The following CACNA2D3 variants were observed in gnomAD, a reference collection of about 807,000 sequenced individuals.
CACNA2D3 encodes the protein calcium voltage-gated channel auxiliary subunit alpha2delta 3, also known as voltage-dependent calcium channel subunit alpha-2/delta-3.
Under a neutral mutation model 160.6 loss-of-function variants are expected in CACNA2D3, and 60 were observed. That is an observed-to-expected ratio of 0.37 (90% CI 0.30 to 0.46). The LOEUF (loss-of-function observed/expected upper bound fraction) is 0.46, where lower values mean the gene tolerates loss of function less well. CACNA2D3 is among the 20% of genes least tolerant of loss of function. The pLI, the probability that CACNA2D3 is intolerant of heterozygous loss-of-function variation, is 1.00. For synonymous variants in CACNA2D3, 558 were observed against 492.9 expected, an observed-to-expected ratio of 1.13 and a Z score of -1.75; for missense variants, 1,205 against 1,365.0, an observed-to-expected ratio of 0.88 and a Z score of 1.85.
At chr3:54,334,545 G>A (rs1704333149) in intron 3 of CACNA2D3, among the ~76,000 whole-genome samples, 1 of 152,150 alleles carries the variant, frequency 6.6e-6, no homozygotes, top group South Asian at 2.1e-4. Flanking sequence ...GAACCTCCCT[G>A]AGTCTCAGTT....
At chr3:54,893,397 T>C (rs1300083542) in intron 25 of CACNA2D3, among the ~76,000 whole-genome samples, 1 of 145,232 alleles carries the variant, frequency 6.9e-6, no homozygotes, top group African/African-American at 2.6e-5. Context: ...CATTGACAAT[T>C]TGAATGGATG....
chr3:54,438,311 G>A (rs527504717), intron 4 of CACNA2D3, among the ~76,000 whole-genome samples: 15 of 152,264 alleles, frequency 9.9e-5, no homozygotes, highest in African/African-American at 3.4e-4. Flanking sequence ...TTTAGAAGCT[G>A]ATATGTAAGG....
At chr3:54,993,723 A>G (rs756516880) in intron 31 of CACNA2D3, among the ~76,000 whole-genome samples, 4 of 151,932 alleles carry the variant, frequency 2.6e-5, no homozygotes, top group African/African-American at 4.8e-5. Flanking sequence ...TGTCTATCTG[A>G]TTATGCTGGA....
At chr3:54,582,237 T>C (rs1559518563) in intron 9 of CACNA2D3, among the ~76,000 whole-genome samples, 1 of 152,168 alleles carries the variant, frequency 6.6e-6, no homozygotes, top group Non-Finnish European at 1.5e-5. Context: ...CTTCTCACGA[T>C]TGATTAAATG....
chr3:55,059,656 C>G (rs1472530511), intron 35 of CACNA2D3, among the ~76,000 whole-genome samples: 1 of 152,170 alleles, frequency 6.6e-6, no homozygotes, highest in African/African-American at 2.4e-5. Context: ...AAGTATTAAC[C>G]AGCTTAGTGC....
intron 2 of CACNA2D3, among the ~76,000 whole-genome samples, chr3:54,232,545 G>T (rs960041502): frequency 1.6e-4 from 25 of 152,150 alleles, no homozygotes; most frequent in African/African-American, 6.0e-4. Context: ...TTGCATGAGG[G>T]TTTTTGTTTC....
intron 2 of CACNA2D3, among the ~76,000 whole-genome samples, chr3:54,203,736 G>T (rs1701217698): frequency 1.3e-5 from 2 of 152,094 alleles, no homozygotes; most frequent in Non-Finnish European, 2.9e-5. Flanking sequence ...GGCATCTGTC[G>T]GTGTGCTGTT....
chr3:54,550,560 C>T (rs75337321), intron 5 of CACNA2D3, among the ~76,000 whole-genome samples: 7,925 of 152,292 alleles, frequency 0.052, 262 homozygotes, highest in Middle Eastern at 0.085. Flanking sequence ...TGGAGACAGA[C>T]GGGAAGAATG....
At chr3:54,757,902 A>G (rs1702002634) in intron 12 of CACNA2D3, among the ~76,000 whole-genome samples, 1 of 152,246 alleles carries the variant, frequency 6.6e-6, no homozygotes, top group Non-Finnish European at 1.5e-5. Context: ...TGAACTCTTC[A>G]TCAGATGTAA....
chr3:54,524,198 GTGTT>G (rs1575502806), intron 5 of CACNA2D3, among the ~76,000 whole-genome samples: 1 of 152,146 alleles, frequency 6.6e-6, no homozygotes, highest in South Asian at 2.1e-4. Flanking sequence ...GGTCTCTTGT[GTGTT>G]TGTTTTCATT....
intron 10 of CACNA2D3, chr3:54,639,034 A>G (rs1328112673): frequency 6.6e-6 from 1 of 152,190 alleles, no homozygotes; most frequent in Non-Finnish European, 1.5e-5. Flanking sequence ...CCAGAAAAGC[A>G]GAGAAAGGGT....
chr3:55,062,392 G>A (rs1035353841), intron 35 of CACNA2D3, among the ~76,000 whole-genome samples: 2 of 151,074 alleles, frequency 1.3e-5, no homozygotes, highest in Non-Finnish European at 2.9e-5. Context: ...GGGATAACAG[G>A]CATGAGCCAC....
chr3:54,627,773 C>T lies in CACNA2D3; in HGVS notation c.964-14C>T, dbSNP rs759224549. ...AGGACAGACACTAATGGATTTTCTG[C>T]TTTGCTGTTTCAGCACTTCAGGGAG... is the stretch of plus-strand genomic sequence containing the variant. On this transcript the variant is annotated splice_polypyrimidine_tract_variant and intron_variant, in intron 9 of 37. Transcript: ENST00000474759. 24 of 1,583,368 alleles carry T rather than the reference C, an allele frequency of 1.5e-5. No individual in the cohort carries two copies. The Admixed American group carries it at 2.9e-4, about 19-fold the overall frequency.
Position 54,885,552 on chromosome 3 carries a change from G to A in CACNA2D3, c.2022G>A (p.Lys674=), listed in dbSNP as rs1699904006. Residue 674 remains lysine (K), a synonymous_variant, in exon 23 of 38, where the codon AAG becomes AAA. Transcript: ENST00000474759. The part of the protein sequence containing the change: ...HRHLSQLEAI[K]LYLKGKEPLL... ...ATCTGTCTCAGTTAGAAGCGATTAA[G>A]CTCTACCTAAAAGGCAAAGAACCTC... 1.9e-6 allele frequency: 3 copies of A among 1,613,416 alleles called. No individual in the cohort carries two copies. Among genetic ancestry groups the A allele is most frequent in the Admixed American group, 1.7e-5 (1 of 59,930 alleles).
chr3:54,582,680 C>T (rs1702697910), intron 9 of CACNA2D3, among the ~76,000 whole-genome samples: 1 of 152,184 alleles, frequency 6.6e-6, no homozygotes, highest in African/African-American at 2.4e-5. Context: ...TGCTCTTCCC[C>T]TGGAGAGCAG....
intron 27 of CACNA2D3, among the ~76,000 whole-genome samples, chr3:54,944,122 C>T (rs1701548621): frequency 6.6e-6 from 1 of 152,062 alleles, no homozygotes; most frequent in Non-Finnish European, 1.5e-5. Flanking sequence ...TTTCCATATC[C>T]TTTGGTAGGA....
intron 11 of CACNA2D3, among the ~76,000 whole-genome samples, chr3:54,664,951 C>T (rs1700037003): frequency 6.6e-6 from 1 of 152,206 alleles, no homozygotes; most frequent in African/African-American, 2.4e-5. Flanking sequence ...GAAAAATGAG[C>T]CAGCTAGTAA....
intron 11 of CACNA2D3, among the ~76,000 whole-genome samples, chr3:54,731,415 CTA>C (rs1460778798): frequency 2.0e-5 from 3 of 152,156 alleles, no homozygotes; most frequent in Admixed American, 2.0e-4. Flanking sequence ...TTTAAAGACT[CTA>C]TGTACCCCAA....
At chr3:54,199,759 C>CTAT (rs1358474954) in intron 2 of CACNA2D3, among the ~76,000 whole-genome samples, 1 of 152,140 alleles carries the variant, frequency 6.6e-6, no homozygotes, top group Non-Finnish European at 1.5e-5. Flanking sequence ...GTTTGTTTCC[C>CTAT]TGAATACACT....
Sources: gnomAD v4.1 joint callset for allele counts (sites outside exome capture counted in the v4.1 genomes callset) on GRCh38, gnomAD v4.1.1 for gene constraint, MANE v1.5 for transcripts, NCBI Gene and HGNC (gene_info 2026-07-23, HGNC 2026-07-21) for gene names.